POLR1D: variants seen among roughly 807,000 people sequenced by gnomAD.
POLR1D encodes RNA polymerase I and III subunit D, also known as DNA-directed RNA polymerases I and III subunit RPAC2.
In POLR1D, 8 loss-of-function variants were observed where a neutral mutation model predicts 10.8. The observed-to-expected ratio is 0.74, with a 90% CI of 0.43 to 1.33. The LOEUF is 1.33. POLR1D is among the 40% of genes most tolerant of loss of function. POLR1D has a pLI of 0.01. For synonymous variants in POLR1D, 54 were observed against 57.2 expected, an observed-to-expected ratio of 0.94 and a Z score of 0.25; for missense variants, 152 against 161.7, an observed-to-expected ratio of 0.94 and a Z score of 0.32.
chr13:27,656,086 G>A (rs1005859177), intron 2 of POLR1D, among the ~76,000 whole-genome samples: 1 of 152,092 alleles, frequency 6.6e-6, no homozygotes, highest in Non-Finnish European at 1.5e-5. Context: ...TATAATATTG[G>A]CAAGGATAAG....
chr13:27,632,226 G>A (rs1161083360), intron 1 of POLR1D, among the ~76,000 whole-genome samples: 1 of 152,152 alleles, frequency 6.6e-6, no homozygotes, highest in Non-Finnish European at 1.5e-5. Context: ...GAGCAGTATG[G>A]GAGAGTGATA....
At chr13:27,638,207 T>G (rs1486744011) in intron 1 of POLR1D, among the ~76,000 whole-genome samples, 2 of 152,206 alleles carry the variant, frequency 1.3e-5, no homozygotes, top group Non-Finnish European at 2.9e-5. Context: ...TCATCATCTC[T>G]TGCCTCTAAG....
At chr13:27,648,431 G>A (rs1209845490) in exon 2 of POLR1D, 1 of 1,609,480 alleles carries the variant, frequency 6.2e-7, no homozygotes, top group South Asian at 1.1e-5. Context: ...AACTAGAGCT[G>A]AAACAATGGG....
intron 2 of POLR1D, among the ~76,000 whole-genome samples, chr13:27,654,153 T>C (rs1956289422): frequency 6.6e-6 from 1 of 152,226 alleles, no homozygotes; most frequent in Non-Finnish European, 1.5e-5. Context: ...ATATTCTTCT[T>C]TGATACTACA....
chr13:27,636,214 C>T (rs1210182438), intron 1 of POLR1D, among the ~76,000 whole-genome samples: 2 of 152,090 alleles, frequency 1.3e-5, no homozygotes, highest in African/African-American at 4.8e-5. Context: ...GTCTCCTCAT[C>T]GTTTCTCCCT....
intron 2 of POLR1D, among the ~76,000 whole-genome samples, chr13:27,658,128 C>T (rs148729619): frequency 2.6e-5 from 4 of 152,358 alleles, no homozygotes; most frequent in Non-Finnish European, 5.9e-5. Flanking sequence ...TCAAAAAATA[C>T]TGATGCCTGT....
chr13:27,636,632 C>T (rs1169580257), intron 1 of POLR1D, among the ~76,000 whole-genome samples: 1 of 152,046 alleles, frequency 6.6e-6, no homozygotes, highest in East Asian at 1.9e-4. Flanking sequence ...AAGTATGGTC[C>T]CAAGCATTTG....
At position 27,662,832 on chromosome 13, in the gene POLR1D, T is replaced by C. The variant is rs143930042; in HGVS notation, c.102-2854T>C. Among the ~76,000 whole-genome samples, 490 of 152,320 alleles carry C rather than the reference T, an allele frequency of 3.2e-3. 6 individuals carry two copies. The highest frequency in any genetic ancestry group is 0.011 in the African/African-American group (443 of 41,566). ...CAGGCATTGTTCTGAGTACTTTACA[T>C]GTTCTAATTCATTTGATCTGCATGC... On this transcript the variant is annotated intron_variant, in intron 2 of 2. Transcript: ENST00000399697.
chr13:27,635,483 C>T (rs1956114148), intron 1 of POLR1D, among the ~76,000 whole-genome samples: 1 of 151,584 alleles, frequency 6.6e-6, no homozygotes, highest in Non-Finnish European at 1.5e-5. Flanking sequence ...GTTGCCTAAA[C>T]AATAAAAGGG....
exon 2 of POLR1D, chr13:27,648,445 C>A: frequency 6.2e-7 from 1 of 1,605,816 alleles, no homozygotes; most frequent in Non-Finnish European, 8.5e-7. Flanking sequence ...CAATGGGACC[C>A]ATGGGTTGGT....
chr13:27,653,093 G>A (rs890690080), intron 2 of POLR1D, among the ~76,000 whole-genome samples: 4 of 151,376 alleles, frequency 2.6e-5, no homozygotes, highest in Admixed American at 6.6e-5. Context: ...AGTAGAGATC[G>A]GGTTTCACCA....
At chr13:27,642,674 G>A (rs1956186139) in intron 1 of POLR1D, among the ~76,000 whole-genome samples, 2 of 151,918 alleles carry the variant, frequency 1.3e-5, no homozygotes, top group South Asian at 4.2e-4. Context: ...GAGAAAACTA[G>A]GTTGAAAAAG....
rs566455348 is a variant in POLR1D, at chr13:27,662,533, GT to G, written c.102-3148del. Among the ~76,000 whole-genome samples, 16 of 152,262 alleles carry G rather than the reference GT, an allele frequency of 1.1e-4. No homozygotes were observed. In the South Asian group the frequency reaches 3.3e-3, roughly 32 times the overall value. ...CATAAAAATAACTTGGTTTTAATAG[GT>G]TTTTAAATTTTGGAATTAGGGATAA... On this transcript the variant is annotated intron_variant, in intron 2 of 2. Transcript: ENST00000399697.
downstream of POLR1D, among the ~76,000 whole-genome samples, chr13:27,625,772 T>G (rs970946281): frequency 2.4e-4 from 37 of 152,044 alleles, 1 homozygote; most frequent in Non-Finnish European, 1.3e-4. Flanking sequence ...TATTTGTAAG[T>G]TTGGGTCAAT....
intron 2 of POLR1D, among the ~76,000 whole-genome samples, chr13:27,653,537 T>C (rs1956285114): frequency 6.6e-6 from 1 of 152,172 alleles, no homozygotes; most frequent in Non-Finnish European, 1.5e-5. Context: ...CCTGCTGGGA[T>C]TGTTACTTGG....
intron 1 of POLR1D, among the ~76,000 whole-genome samples, chr13:27,646,727 A>C (rs974704139): frequency 2.0e-5 from 3 of 152,216 alleles, no homozygotes; most frequent in African/African-American, 7.2e-5. Context: ...AATAGTTTGA[A>C]AGCATAGTAT....
chr13:27,635,536 T>TA (rs1353274897), intron 1 of POLR1D, among the ~76,000 whole-genome samples: 1 of 151,952 alleles, frequency 6.6e-6, no homozygotes, highest in Non-Finnish European at 1.5e-5. Flanking sequence ...GGTGAGGTAA[T>TA]ATATATTATT....
downstream of POLR1D, among the ~76,000 whole-genome samples, chr13:27,624,983 G>A (rs1371277562): frequency 2.0e-5 from 3 of 152,142 alleles, no homozygotes; most frequent in South Asian, 2.1e-4. Flanking sequence ...CTTTAGGCAC[G>A]GAAGTTAGGA....
chr13:27,621,708 C>T (rs969453859), upstream of POLR1D: 3 of 268,614 alleles, frequency 1.1e-5, no homozygotes, highest in African/African-American at 2.3e-5. Flanking sequence ...GCCCCCTGCC[C>T]CTCCCGCCGC....
Sources: allele counts gnomAD v4.1 joint callset (sites outside exome capture counted in the v4.1 genomes callset), GRCh38; gene constraint gnomAD v4.1.1; transcripts MANE v1.5; gene names NCBI Gene and HGNC (gene_info 2026-07-23, HGNC 2026-07-21).